The following C2CD3 variants were observed in gnomAD, a reference collection of about 807,000 sequenced individuals.
The protein encoded by C2CD3 is C2 domain-containing protein 3.
C2CD3 carries 148 observed loss-of-function variants against 234.0 expected under a neutral mutation model. The observed-to-expected ratio is 0.63, with a 90% CI of 0.55 to 0.72. The LOEUF (loss-of-function observed/expected upper bound fraction) is 0.72. C2CD3 is among the 30% of genes least tolerant of loss of function. C2CD3 has a pLI of 0.00. For synonymous variants in C2CD3, 1,000 were observed against 1,035.4 expected (o/e 0.97, Z 0.66); for missense variants, 2,577 against 2,811.5 (o/e 0.92, Z 1.89).
At chr11:74,021,841 G>A (rs1460507649) in intron 32 of C2CD3, among the ~76,000 whole-genome samples, 2 of 152,134 alleles carry the variant, frequency 1.3e-5, no homozygotes, top group Non-Finnish European at 2.9e-5. Context: ...AAATAGTCGG[G>A]GGGGCTGGGC....
chr11:74,040,116 AG>A (rs1303541798), intron 29 of C2CD3, among the ~76,000 whole-genome samples: 1 of 152,198 alleles, frequency 6.6e-6, no homozygotes, highest in African/African-American at 2.4e-5. Context: ...TTTACTTCTG[AG>A]CTCCGCCTCC....
At chr11:74,121,814 C>T (rs1314959552) in intron 8 of C2CD3, among the ~76,000 whole-genome samples, 2 of 152,146 alleles carry the variant, frequency 1.3e-5, no homozygotes, top group Non-Finnish European at 2.9e-5. Context: ...ATAGGGAACA[C>T]AGTATCAGTG....
chr11:74,022,477 C>A (rs2135403362), intron 32 of C2CD3, among the ~76,000 whole-genome samples: 1 of 152,238 alleles, frequency 6.6e-6, no homozygotes, highest in South Asian at 2.1e-4. Context: ...AGAGAGAAGA[C>A]TAGACTGAAG....
chr11:74,088,503 T>C (rs1189495324), intron 20 of C2CD3, among the ~76,000 whole-genome samples: 1 of 152,180 alleles, frequency 6.6e-6, no homozygotes, highest in Admixed American at 6.5e-5. Flanking sequence ...TTCTCCCTCC[T>C]TGAATATATG....
chr11:74,047,955 T>C (rs770014188), intron 28 of C2CD3, among the ~76,000 whole-genome samples: 4 of 152,170 alleles, frequency 2.6e-5, no homozygotes, highest in Non-Finnish European at 2.9e-5. Flanking sequence ...TTAAAGGCCT[T>C]TGAGGATAAC....
rs534735031 is a variant in C2CD3, at chr11:74,013,456, G to T, written c.6991C>A (p.Leu2331Ile). 76 of 1,433,064 alleles carry T rather than the reference G, an allele frequency of 5.3e-5. No individual in the cohort carries two copies. In the South Asian group the frequency reaches 8.4e-4, roughly 16 times the overall value. 88.8% of individuals were successfully genotyped at this position (1,433,064 alleles called of 1,614,324 possible). A position where few individuals can be genotyped will look rare whatever the true frequency, so the allele number is the denominator to read the frequency against. ...AGAGTTTCTTCCTCAGGCAGGTTGA[G>T]GGGGAGCGAGTTAGGTCTGGGGCGA... ...PCRPRPNSLP[L>I]NLPEEETLRI... The change falls in exon 33 of 33, where the codon CTC (leucine) becomes ATC (isoleucine). Residue 2331 changes from leucine to isoleucine, a missense_variant. Transcript: ENST00000334126.
intron 7 of C2CD3, among the ~76,000 whole-genome samples, chr11:74,130,970 T>A (rs1394950653): frequency 6.6e-6 from 1 of 151,956 alleles, no homozygotes; most frequent in East Asian, 2.0e-4. Context: ...TTATAGTTTT[T>A]GATTTTTTAT....
At position 74,033,823 on chromosome 11, in the gene C2CD3, G is replaced by C; in HGVS notation, c.6337C>G (p.Pro2113Ala). The change falls in exon 31 of 33, where the codon CCT becomes GCT. Residue 2113 changes from proline to alanine, a missense_variant. Pro to Ala is a conservative substitution (Grantham distance 27, BLOSUM62 -1). Transcript: ENST00000334126. ...TCTCTGCAGAAAGGCCCTGGAGAAG[G>C]ACAAGAGGGGCCTTCCCTCTGCACC... ...DEVQREGPSC[P>A]SPGPFCREEL... 4 of 1,536,240 alleles carry C rather than the reference G, an allele frequency of 2.6e-6. No individual in the cohort carries two copies. The highest frequency in any genetic ancestry group is 3.5e-6 in the Non-Finnish European group (4 of 1,146,926).
chr11:74,163,926 T>A (rs1856637108), intron 2 of C2CD3, among the ~76,000 whole-genome samples: 1 of 152,204 alleles, frequency 6.6e-6, no homozygotes, highest in Admixed American at 6.5e-5. Flanking sequence ...CCACATCTCA[T>A]TAATTCTCTT....
At chr11:74,013,614 G>GTT in intron 32 of C2CD3, 89 bp from the exon 33 acceptor site, 1 of 846,836 alleles carries the variant, frequency 1.2e-6, no homozygotes, top group Non-Finnish European at 1.6e-6. Flanking sequence ...TGGTCCTTTG[G>GTT]TTAATATTTA....
At chr11:74,016,109 AC>A (rs1951872703) in intron 32 of C2CD3, among the ~76,000 whole-genome samples, 1 of 152,100 alleles carries the variant, frequency 6.6e-6, no homozygotes, top group African/African-American at 2.4e-5. Flanking sequence ...GACTCATCAA[AC>A]TTTTCAGGAG....
intron 25 of C2CD3, among the ~76,000 whole-genome samples, chr11:74,055,777 C>T (rs566169726): frequency 6.6e-6 from 1 of 152,284 alleles, no homozygotes; most frequent in South Asian, 2.1e-4. Flanking sequence ...ATAAACAGTG[C>T]CATTATTCAT....
chr11:74,085,645 CA>C lies in C2CD3; in HGVS notation c.3882del (p.Phe1294LeufsTer14), dbSNP rs1590754577. The C allele has an allele frequency of 1.2e-6, 2 of 1,613,922 alleles. No homozygotes were observed. Among genetic ancestry groups the C allele is most frequent in the East Asian group, 4.5e-5 (2 of 44,872 alleles). ...GACTTGGTATTTTCATGATAGACAG[CA>C]AAAATAACTTCTGCAAACTCCAACA... ...AELLEFAEVI[F>X]AVYHENTKSA... On this transcript the variant is annotated frameshift_variant, in exon 21 of 33. Coordinates refer to ENST00000334126, the MANE Select transcript of C2CD3 (RefSeq NM_001286577.2). LOFTEE classifies it high-confidence loss of function.
At chr11:74,039,259 T>G (rs1245366111) in intron 29 of C2CD3, among the ~76,000 whole-genome samples, 1 of 152,250 alleles carries the variant, frequency 6.6e-6, no homozygotes, top group African/African-American at 2.4e-5. Context: ...AGCTGTACTT[T>G]GCTCATCTGT....
chr11:74,085,914 A>G (rs936651515), intron 20 of C2CD3, 28 bp from the exon 21 acceptor site: 1 of 1,583,344 alleles, frequency 6.3e-7, no homozygotes, highest in Non-Finnish European at 8.6e-7. Flanking sequence ...GGAAATGAGA[A>G]GATACCATGG....
chr11:74,157,807 T>C (rs1856138786), intron 3 of C2CD3, among the ~76,000 whole-genome samples: 1 of 151,848 alleles, frequency 6.6e-6, no homozygotes, highest in Non-Finnish European at 1.5e-5. Context: ...CCATTCTATG[T>C]TCTTTCCTAG....
intron 9 of C2CD3, among the ~76,000 whole-genome samples, chr11:74,117,731 T>C (rs113043136): frequency 0.018 from 2,668 of 151,990 alleles, 79 homozygotes; most frequent in African/African-American, 0.061. Flanking sequence ...CTGACCAACA[T>C]GGAGAAACGC....
rs2135483632 is a variant in C2CD3 at position 74,092,401 on chromosome 11, C to T, written c.3517+15G>A. 1.2e-6 allele frequency: 2 copies of T among 1,608,548 alleles called. No homozygotes were observed. Among genetic ancestry groups the T allele is most frequent in the Non-Finnish European group, 1.7e-6 (2 of 1,176,170 alleles). On this transcript the variant is annotated intron_variant, in intron 19 of 32. Coordinates refer to ENST00000334126, the MANE Select transcript of C2CD3 (RefSeq NM_001286577.2). ...ACTGATTTTGAAAGAAAAAGACAAACTTGTTTTCAATTACCTGATGACTGG... is the reference window on the plus strand; with the variant it reads ...ACTGATTTTGAAAGAAAAAGACAAATTTGTTTTCAATTACCTGATGACTGG...
intron 27 of C2CD3, 84 bp downstream of exon 27, chr11:74,049,253 C>T (rs1360245587): frequency 9.6e-6 from 11 of 1,140,862 alleles, no homozygotes; most frequent in East Asian, 4.7e-5. Flanking sequence ...TTCTATAAGC[C>T]GGAGAGTGCC....
Sources: gnomAD v4.1 joint callset for allele counts (sites outside exome capture counted in the v4.1 genomes callset) on GRCh38, gnomAD v4.1.1 for gene constraint, MANE v1.5 for transcripts, NCBI Gene and HGNC (gene_info 2026-07-23, HGNC 2026-07-21) for gene names.